PLCG2: variants seen among roughly 807,000 people sequenced by gnomAD.
PLCG2 encodes phospholipase C gamma 2.
A neutral mutation model predicts 175.6 loss-of-function variants in PLCG2; 69 were observed. The observed-to-expected ratio is 0.39, with a 90% CI of 0.32 to 0.48. The LOEUF (loss-of-function observed/expected upper bound fraction) is 0.48. PLCG2 is among the 20% of genes least tolerant of loss of function. The probability of loss-of-function intolerance (pLI) is 0.91; values close to 1 mark genes in which losing one functional copy is unlikely to be tolerated. For synonymous variants in PLCG2, 827 were observed against 624.0 expected (o/e 1.33, Z -4.85); for missense variants, 1,798 against 1,650.9 (o/e 1.09, Z -1.54).
chr16:81,919,428 A>T (rs1237577067), intron 19 of PLCG2, 56 bp from the exon 20 acceptor site: 2 of 1,456,158 alleles, frequency 1.4e-6, no homozygotes, highest in Non-Finnish European at 9.6e-7. Flanking sequence ...GTTTGTGTAA[A>T]AATTGTTTGG....
At chr16:81,956,919 C>G (rs767065261) in intron 32 of PLCG2, 40 bp downstream of exon 32, 3 of 1,558,584 alleles carry the variant, frequency 1.9e-6, no homozygotes, top group African/African-American at 2.7e-5. Context: ...TTTGGGGGGT[C>G]TCTAGGCACG....
At chr16:81,859,916 A>C (rs987275456) in intron 5 of PLCG2, among the ~76,000 whole-genome samples, 1 of 152,076 alleles carries the variant, frequency 6.6e-6, no homozygotes, top group Non-Finnish European at 1.5e-5. Context: ...TTTTCACTTA[A>C]AAGTACCTCT....
At chr16:81,830,096 G>T (rs962667966) in intron 2 of PLCG2, among the ~76,000 whole-genome samples, 2 of 152,008 alleles carry the variant, frequency 1.3e-5, no homozygotes, top group Non-Finnish European at 2.9e-5. Flanking sequence ...GAGGCAGGGG[G>T]ATCACTTGAG....
chr16:81,928,478 A>C, intron 23 of PLCG2, 80 bp from the exon 24 acceptor site: 2 of 887,984 alleles, frequency 2.3e-6, no homozygotes, highest in East Asian at 4.8e-5. Flanking sequence ...TATCTCTGCT[A>C]AACGGTGTGC....
chr16:81,820,384 C>T (rs1904741462), intron 2 of PLCG2, among the ~76,000 whole-genome samples: 1 of 151,964 alleles, frequency 6.6e-6, no homozygotes, highest in South Asian at 2.1e-4. Context: ...CAGGATTTTT[C>T]CTTGGTTTTA....
rs192864888 is a variant in PLCG2 at position 81,785,184 on chromosome 16, C to T, written c.-47-759C>T. On this transcript the variant is annotated intron_variant, in intron 1 of 32. Coordinates refer to ENST00000564138, the MANE Select transcript of PLCG2 (RefSeq NM_002661.5). ...TCCTCCAAGGTTTTGGGCCCAAGCA[C>T]CTCTCTGACACTGACCACCCACAAG... Among the ~76,000 whole-genome samples, 224 of 152,244 alleles carry T rather than the reference C, an allele frequency of 1.5e-3. 2 individuals carry two copies. Among genetic ancestry groups the T allele is most frequent in the African/African-American group, 5.2e-3 (217 of 41,552 alleles).
At chr16:81,768,552 GTTTTTTTTTT>G (rs769292122) in intron 2 of PLCG2, among the ~76,000 whole-genome samples, 47,374 of 105,904 alleles carry the variant, frequency 0.45, 8,941 homozygotes, top group Middle Eastern at 0.61. Flanking sequence ...GTTATCCTCA[GTTTTTTTTTT>G]TTTTTTTTTT....
At chr16:81,805,390 T>C (rs1208253115) in intron 2 of PLCG2, among the ~76,000 whole-genome samples, 1 of 149,936 alleles carries the variant, frequency 6.7e-6, no homozygotes, top group Non-Finnish European at 1.5e-5. Flanking sequence ...TCCCAGCTAC[T>C]CAGGAGGCTG....
At chr16:81,765,570 G>T (rs1910131091) in intron 2 of PLCG2, among the ~76,000 whole-genome samples, 2 of 152,244 alleles carry the variant, frequency 1.3e-5, no homozygotes, top group African/African-American at 2.4e-5. Context: ...AGCAGAGGTT[G>T]CTGTGAGCTG....
chr16:81,924,706 G>T (rs913114448), intron 22 of PLCG2, among the ~76,000 whole-genome samples: 4 of 152,210 alleles, frequency 2.6e-5, no homozygotes, highest in Non-Finnish European at 5.9e-5. Context: ...TTCATACCTA[G>T]ATTCCACAGA....
intron 20 of PLCG2, 118 bp from the exon 21 acceptor site, chr16:81,921,080 G>T: frequency 1.6e-6 from 1 of 627,776 alleles, no homozygotes; most frequent in Non-Finnish European, 2.8e-6. Flanking sequence ...ATTCTATGAG[G>T]TTTCAACTCC....
intron 25 of PLCG2, among the ~76,000 whole-genome samples, chr16:81,932,458 T>G (rs771311076): frequency 6.6e-6 from 1 of 152,190 alleles, no homozygotes; most frequent in Non-Finnish European, 1.5e-5. Context: ...GGAAAGAAAT[T>G]GTAGGGTTTC....
intron 2 of PLCG2, among the ~76,000 whole-genome samples, chr16:81,827,299 T>C (rs1286787439): frequency 6.6e-6 from 1 of 151,722 alleles, no homozygotes; most frequent in Non-Finnish European, 1.5e-5. Flanking sequence ...TGATCTTATC[T>C]CAGTCTCCCA....
intron 2 of PLCG2, among the ~76,000 whole-genome samples, chr16:81,808,852 C>G (rs893187707): frequency 3.3e-5 from 5 of 152,170 alleles, no homozygotes; most frequent in East Asian, 1.9e-4. Context: ...CTGTTTCCCC[C>G]TATGCAAAAT....
At chr16:81,920,004 G>C (rs1406430203) in intron 20 of PLCG2, among the ~76,000 whole-genome samples, 3 of 152,194 alleles carry the variant, frequency 2.0e-5, no homozygotes, top group Non-Finnish European at 2.9e-5. Context: ...CACTGAAAAG[G>C]AATGAGCCAT....
intron 19 of PLCG2, among the ~76,000 whole-genome samples, chr16:81,915,690 G>A (rs1430562173): frequency 6.6e-6 from 1 of 152,198 alleles, no homozygotes; most frequent in African/African-American, 2.4e-5. Flanking sequence ...GACGGGTTGT[G>A]GATCCCCGAT....
intron 19 of PLCG2, among the ~76,000 whole-genome samples, chr16:81,919,035 T>C (rs977349747): frequency 2.0e-5 from 3 of 152,196 alleles, no homozygotes; most frequent in Admixed American, 6.5e-5. Context: ...TTGCAGGCCA[T>C]ATGGTCTCTG....
intron 2 of PLCG2, chr16:81,766,933 T>C (rs1424004413): frequency 1.3e-5 from 2 of 152,106 alleles, no homozygotes; most frequent in Non-Finnish European, 2.9e-5. Context: ...ATTCTTCTGC[T>C]CTAAGGCTTT....
At chr16:81,873,594 A>G (rs1382221307) in intron 7 of PLCG2, among the ~76,000 whole-genome samples, 1 of 151,960 alleles carries the variant, frequency 6.6e-6, no homozygotes, top group Non-Finnish European at 1.5e-5. Context: ...AAATTTCAAG[A>G]TGCTGTGTTG....
Sources: gnomAD v4.1 joint callset for allele counts (sites outside exome capture counted in the v4.1 genomes callset) on GRCh38, gnomAD v4.1.1 for gene constraint, MANE v1.5 for transcripts, NCBI Gene and HGNC (gene_info 2026-07-23, HGNC 2026-07-21) for gene names.